Variants in ENOX1 observed in about 807,000 individuals in gnomAD.
The protein encoded by ENOX1 is candidate growth-related and time keeping constitutive hydroquinone (NADH) oxidase.
A neutral mutation model predicts 82.5 loss-of-function variants in ENOX1; 42 were observed. The ratio of observed to expected loss-of-function variants is 0.51; its 90% CI spans 0.40 to 0.66. The LOEUF is 0.66. ENOX1 is among the 30% of genes least tolerant of loss of function. The pLI is 0.00. For missense variants in ENOX1, 608 were observed against 811.6 expected, an observed-to-expected ratio of 0.75 and a Z score of 3.05; for synonymous variants, 271 against 282.2, an observed-to-expected ratio of 0.96 and a Z score of 0.40.
At chr13:43,561,360 C>T (rs1021687806) in intron 2 of ENOX1, among the ~76,000 whole-genome samples, 4 of 152,054 alleles carry the variant, frequency 2.6e-5, no homozygotes, top group African/African-American at 9.7e-5. Flanking sequence ...AGGTACAAAT[C>T]CTGACCCTCC....
intron 2 of ENOX1, among the ~76,000 whole-genome samples, chr13:43,640,693 C>T (rs1297691582): frequency 2.0e-5 from 3 of 152,160 alleles, no homozygotes; most frequent in African/African-American, 7.2e-5. Flanking sequence ...CAAAGAGTAC[C>T]TACCCAGCAT....
At chr13:43,447,184 T>G (rs995961349) in intron 3 of ENOX1, among the ~76,000 whole-genome samples, 2 of 152,224 alleles carry the variant, frequency 1.3e-5, no homozygotes, top group Non-Finnish European at 2.9e-5. Flanking sequence ...GACTGTCTAT[T>G]GTAAGATTCT....
At chr13:43,653,092 C>G (rs548969466) in intron 2 of ENOX1, among the ~76,000 whole-genome samples, 18 of 152,308 alleles carry the variant, frequency 1.2e-4, no homozygotes, top group African/African-American at 4.3e-4. Flanking sequence ...CCCTCAGTTG[C>G]GCAGCACAGG....
At chr13:43,252,040 TTCAAG>T (rs982808658) in intron 14 of ENOX1, among the ~76,000 whole-genome samples, 24 of 152,302 alleles carry the variant, frequency 1.6e-4, no homozygotes, top group African/African-American at 5.5e-4. Context: ...TTCCCATAGT[TTCAAG>T]TCATCTTCCT....
At chr13:43,770,778 T>A (rs1951547891) in intron 1 of ENOX1, among the ~76,000 whole-genome samples, 1 of 152,114 alleles carries the variant, frequency 6.6e-6, no homozygotes, top group African/African-American at 2.4e-5. Context: ...GTAGGAATTC[T>A]GAGTAATTTT....
At chr13:43,641,693 C>T (rs1275277141) in intron 2 of ENOX1, among the ~76,000 whole-genome samples, 1 of 151,426 alleles carries the variant, frequency 6.6e-6, no homozygotes, top group African/African-American at 2.4e-5. Context: ...CCACCATGTC[C>T]GGCTAATTTT....
chr13:43,416,395 C>T (rs1443857007), intron 3 of ENOX1, among the ~76,000 whole-genome samples: 2 of 147,224 alleles, frequency 1.4e-5, no homozygotes, highest in Admixed American at 6.8e-5. Context: ...ACGGGGCGGC[C>T]GGACAGAAGC....
intron 14 of ENOX1, among the ~76,000 whole-genome samples, chr13:43,263,929 A>T (rs539622437): frequency 6.6e-6 from 1 of 150,700 alleles, no homozygotes; most frequent in South Asian, 2.1e-4. Context: ...GGTCATGAAT[A>T]TGAGAGTGGA....
chr13:43,306,305 G>A (rs1566470514), intron 11 of ENOX1, among the ~76,000 whole-genome samples: 1 of 152,204 alleles, frequency 6.6e-6, no homozygotes, highest in Non-Finnish European at 1.5e-5. Flanking sequence ...CCAGGCAGGA[G>A]CATCTCAGGA....
intron 14 of ENOX1, among the ~76,000 whole-genome samples, chr13:43,254,172 C>T (rs746894281): frequency 9.9e-5 from 15 of 152,094 alleles, no homozygotes; most frequent in South Asian, 2.1e-4. Flanking sequence ...CATTTGGGTA[C>T]GGATGGCCAT....
chr13:43,331,743 G>T (rs1330139041), intron 9 of ENOX1, among the ~76,000 whole-genome samples: 5 of 152,170 alleles, frequency 3.3e-5, no homozygotes, highest in Admixed American at 2.0e-4. Context: ...TGCAGTAAGC[G>T]ATTCCAGCTC....
intron 2 of ENOX1, among the ~76,000 whole-genome samples, chr13:43,592,566 G>C (rs1328050449): frequency 6.6e-6 from 1 of 152,158 alleles, no homozygotes; most frequent in Non-Finnish European, 1.5e-5. Flanking sequence ...CTCAAAATTA[G>C]TTTGGTTGGA....
At chr13:43,501,434 T>C (rs1593512162) in intron 2 of ENOX1, among the ~76,000 whole-genome samples, 1 of 151,744 alleles carries the variant, frequency 6.6e-6, no homozygotes, top group African/African-American at 2.4e-5. Flanking sequence ...TACAGAACAT[T>C]CTACCCAGCA....
At chr13:43,564,025 T>C (rs565679365) in intron 2 of ENOX1, among the ~76,000 whole-genome samples, 1 of 151,734 alleles carries the variant, frequency 6.6e-6, no homozygotes, top group South Asian at 2.1e-4. Flanking sequence ...ATGCCAGTAT[T>C]ACCCTAATAC....
chr13:43,657,068 A>G (rs1233465956), intron 2 of ENOX1, among the ~76,000 whole-genome samples: 1 of 152,218 alleles, frequency 6.6e-6, no homozygotes, highest in Non-Finnish European at 1.5e-5. Flanking sequence ...TCTGCATTTA[A>G]GAAGTAGACC....
chr13:43,224,456 T>C (rs547236222), intron 15 of ENOX1, among the ~76,000 whole-genome samples: 1 of 152,352 alleles, frequency 6.6e-6, no homozygotes, highest in East Asian at 1.9e-4. Flanking sequence ...GATTTACCAA[T>C]ATAAAATTAT....
chr13:43,322,150 A>G (rs1026860400), intron 11 of ENOX1, among the ~76,000 whole-genome samples: 1 of 152,212 alleles, frequency 6.6e-6, no homozygotes, highest in Non-Finnish European at 1.5e-5. Context: ...AATATCCCTG[A>G]AAAAAGCTTA....
At chr13:43,627,782 G>A (rs908479433) in intron 2 of ENOX1, among the ~76,000 whole-genome samples, 15 of 151,706 alleles carry the variant, frequency 9.9e-5, no homozygotes, top group Admixed American at 2.6e-4. Flanking sequence ...TTTTCAAATC[G>A]CATTTCTAGG....
At chr13:43,557,761 G>A (rs1566522852) in intron 2 of ENOX1, among the ~76,000 whole-genome samples, 1 of 152,142 alleles carries the variant, frequency 6.6e-6, no homozygotes, top group Non-Finnish European at 1.5e-5. Context: ...TCATGCCACT[G>A]CCCTTCAGAC....
Sources: allele counts gnomAD v4.1 joint callset (sites outside exome capture counted in the v4.1 genomes callset), GRCh38; gene constraint gnomAD v4.1.1; transcripts MANE v1.5; gene names NCBI Gene and HGNC (gene_info 2026-07-23, HGNC 2026-07-21).